MGST1: variants seen among roughly 807,000 people sequenced by gnomAD.
MGST1 encodes the protein glutathione S-transferase 12.
A neutral mutation model predicts 8.9 loss-of-function variants in MGST1; 5 were observed. The ratio of observed to expected loss-of-function variants is 0.56; its 90% confidence interval spans 0.29 to 1.19. The LOEUF is 1.19. Among genes scored for constraint, MGST1 ranks in the 50% most tolerant of loss-of-function variants. MGST1 has a pLI of 0.08. For missense variants in MGST1, 182 were observed against 187.4 expected (o/e 0.97, Z 0.17); for synonymous variants, 54 against 67.8 (o/e 0.80, Z 1.00).
chr12:16,516,209 CAA>C (rs1000183115), intron 4 of MGST1, among the ~76,000 whole-genome samples: 2 of 152,188 alleles, frequency 1.3e-5, no homozygotes, highest in African/African-American at 4.8e-5. Flanking sequence ...GCGCTTCACA[CAA>C]AAGAGTCTGA....
intron 4 of MGST1, among the ~76,000 whole-genome samples, chr12:16,450,373 G>A (rs1941119147): frequency 6.6e-6 from 1 of 151,834 alleles, no homozygotes; most frequent in South Asian, 2.1e-4. Flanking sequence ...GAAGACAAAG[G>A]GCTGCTGAAA....
chr12:16,460,228 G>A (rs1941208135), intron 4 of MGST1, among the ~76,000 whole-genome samples: 1 of 152,142 alleles, frequency 6.6e-6, no homozygotes, highest in African/African-American at 2.4e-5. Flanking sequence ...GCAGTGCAAT[G>A]TTTGGATGAA....
In MGST1 at chr12:16,391,843, C is replaced by T. The variant is rs1388513173; in HGVS notation, n.778+8239C>T. Among the ~76,000 whole-genome samples the T allele has an allele frequency of 2.6e-5, 4 of 152,260 alleles. No homozygotes were observed. In the East Asian group the frequency reaches 7.7e-4, roughly 29 times the overall value. On this transcript the variant is annotated intron_variant and non_coding_transcript_variant, in intron 1 of 1. Coordinates refer to the MGST1 transcript ENST00000359720. Reference sequence around the variant, plus strand: ...CATTCCTGTGTCCAGAAAGGTATTGCCTAGGTTGTCTTCCAAAGTTCTCAT... The same window carrying T: ...CATTCCTGTGTCCAGAAAGGTATTGTCTAGGTTGTCTTCCAAAGTTCTCAT...
rs571451874 is a variant in MGST1, at chr12:16,584,299, A to G, written n.483-5229A>G. Among the ~76,000 whole-genome samples the G allele has an allele frequency of 6.6e-6, 1 of 152,184 alleles. No individual in the cohort carries two copies. The highest frequency in any genetic ancestry group is 1.5e-5 in the Non-Finnish European group (1 of 68,040). The stretch of plus-strand genomic sequence containing the variant: ...CATGGAATGTGGGATTTACATGAGT[A>G]AGTAGTACCTTGCACCTGTTGACAG... On this transcript the variant is annotated intron_variant and non_coding_transcript_variant, in intron 4 of 4. Coordinates refer to the MGST1 transcript ENST00000538857. The surrounding 1 kb of genome is among the most constrained non-coding windows in gnomAD (Gnocchi z 5.2).
chr12:16,545,584 G>T (rs1030180609), intron 4 of MGST1, among the ~76,000 whole-genome samples: 20 of 151,932 alleles, frequency 1.3e-4, no homozygotes, highest in African/African-American at 4.8e-4. Flanking sequence ...CATTATTATG[G>T]CATATTTATC....
chr12:16,439,850 C>T (rs1941024582), downstream of MGST1, among the ~76,000 whole-genome samples: 1 of 151,734 alleles, frequency 6.6e-6, no homozygotes, highest in Admixed American at 6.6e-5. Context: ...ATTATTTCAT[C>T]TATCTGGAAT....
downstream of MGST1, among the ~76,000 whole-genome samples, chr12:16,382,128 T>C (rs1940462238): frequency 1.3e-5 from 2 of 152,228 alleles, no homozygotes; most frequent in Admixed American, 1.3e-4. Context: ...GAAGCCTTCT[T>C]CTCTCAACTC....
At chr12:16,472,941 C>A (rs1941297844) in intron 4 of MGST1, among the ~76,000 whole-genome samples, 1 of 152,164 alleles carries the variant, frequency 6.6e-6, no homozygotes, top group Non-Finnish European at 1.5e-5. Context: ...TAGCTTCTTG[C>A]ATTTTGTAGG....
chr12:16,414,330 T>C (rs1940766690), intron 1 of MGST1, among the ~76,000 whole-genome samples: 1 of 151,208 alleles, frequency 6.6e-6, no homozygotes, highest in Non-Finnish European at 1.5e-5. Context: ...TTGAAAGATT[T>C]ATGTTTTCCT....
At chr12:16,454,233 A>C (rs923153003) in intron 4 of MGST1, among the ~76,000 whole-genome samples, 8 of 151,852 alleles carry the variant, frequency 5.3e-5, no homozygotes, top group African/African-American at 1.9e-4. Flanking sequence ...TGTACAAATG[A>C]TTTCATTTAG....
chr12:16,427,465 C>T (rs1940900334), intron 1 of MGST1, among the ~76,000 whole-genome samples: 1 of 152,204 alleles, frequency 6.6e-6, no homozygotes, highest in South Asian at 2.1e-4. Flanking sequence ...TCACTGCAAC[C>T]TCTGTCTCCT....
intron 4 of MGST1, among the ~76,000 whole-genome samples, chr12:16,563,099 G>T (rs923646882): frequency 1.3e-5 from 2 of 152,152 alleles, no homozygotes; most frequent in African/African-American, 4.8e-5. Context: ...TCTACACCTG[G>T]ACTCTGATAT....
intron 4 of MGST1, among the ~76,000 whole-genome samples, chr12:16,471,744 G>A (rs1226415053): frequency 1.3e-5 from 2 of 152,138 alleles, no homozygotes; most frequent in African/African-American, 2.4e-5. Flanking sequence ...TCTATGCTGG[G>A]TGATTAATAG....
intron 1 of MGST1, among the ~76,000 whole-genome samples, chr12:16,394,512 CCCTTTCTTTCTTTCTTTCTT>C (rs1335531908): frequency 2.0e-5 from 1 of 49,006 alleles, no homozygotes; most frequent in Non-Finnish European, 4.2e-5. Flanking sequence ...CTCTTTCTCT[CCCTTTCTTTCTTTCTTTCTT>C]TCTTTCTTTC....
At chr12:16,530,262 A>AT (rs1941713956) in intron 4 of MGST1, among the ~76,000 whole-genome samples, 1 of 152,110 alleles carries the variant, frequency 6.6e-6, no homozygotes, top group African/African-American at 2.4e-5. Context: ...TCATAATACT[A>AT]TTGGTGTGTT....
intron 4 of MGST1, among the ~76,000 whole-genome samples, chr12:16,480,079 A>T (rs975648660): frequency 2.6e-5 from 4 of 152,228 alleles, no homozygotes; most frequent in Admixed American, 1.3e-4. Context: ...AATACACAAA[A>T]AGCACAAACC....
At chr12:16,448,429 G>C (rs1243102585) in intron 4 of MGST1, among the ~76,000 whole-genome samples, 1 of 151,506 alleles carries the variant, frequency 6.6e-6, no homozygotes, top group Non-Finnish European at 1.5e-5. Context: ...GCTAAGCAAG[G>C]GCAGGCTTAA....
At chr12:16,408,349 C>T (rs944470228) in intron 1 of MGST1, among the ~76,000 whole-genome samples, 2 of 152,140 alleles carry the variant, frequency 1.3e-5, no homozygotes, top group African/African-American at 2.4e-5. Context: ...TGTAACAAAT[C>T]TGCACATGTA....
chr12:16,445,962 A>G (rs1450085692), intron 4 of MGST1, among the ~76,000 whole-genome samples: 1 of 151,966 alleles, frequency 6.6e-6, no homozygotes, highest in Non-Finnish European at 1.5e-5. Flanking sequence ...TTTTACCTCC[A>G]CAGGCCAAGG....
Sources: allele counts gnomAD v4.1 joint callset (sites outside exome capture counted in the v4.1 genomes callset), GRCh38; gene constraint gnomAD v4.1.1; non-coding constraint Gnocchi (gnomAD v3.1); transcripts MANE v1.5; gene names NCBI Gene and HGNC (gene_info 2026-07-23, HGNC 2026-07-21).